PTPN11: variants seen among roughly 807,000 people sequenced by gnomAD.
PTPN11 encodes the protein protein tyrosine phosphatase non-receptor type 11, also known as tyrosine-protein phosphatase non-receptor type 11.
PTPN11 carries 6 observed loss-of-function variants against 78.8 expected under a neutral mutation model. The observed-to-expected ratio is 0.08, with a 90% CI of 0.04 to 0.15. PTPN11 has a LOEUF of 0.15. Among genes scored for constraint, PTPN11 ranks in the 10% least tolerant of loss-of-function variants. The pLI, the probability that PTPN11 is intolerant of heterozygous loss-of-function variation, is 1.00. For synonymous variants in PTPN11, 221 were observed against 263.5 expected (o/e 0.84, Z 1.56); for missense variants, 386 against 744.8 (o/e 0.52, Z 5.61).
chr12:112,458,617 C>G (rs1466733911), intron 6 of PTPN11, among the ~76,000 whole-genome samples: 1 of 152,210 alleles, frequency 6.6e-6, no homozygotes, highest in Non-Finnish European at 1.5e-5. Flanking sequence ...TGAGTTTATT[C>G]TCTCATCCCA....
intron 13 of PTPN11, among the ~76,000 whole-genome samples, chr12:112,494,875 T>C (rs2038794745): frequency 1.3e-5 from 2 of 152,156 alleles, no homozygotes; most frequent in African/African-American, 4.8e-5. Flanking sequence ...CACTTTTCAT[T>C]CAACACTTTA....
At chr12:112,502,341 G>T (rs986265794) in intron 14 of PTPN11, 85 bp downstream of exon 14, 5 of 1,114,922 alleles carry the variant, frequency 4.5e-6, no homozygotes, top group Non-Finnish European at 6.9e-6. Context: ...CAAAACACAA[G>T]TTTGTAGCAC....
At chr12:112,486,080 G>A (rs2038670187) in intron 10 of PTPN11, among the ~76,000 whole-genome samples, 1 of 151,996 alleles carries the variant, frequency 6.6e-6, no homozygotes, top group South Asian at 2.1e-4. Context: ...TGTCTTAAGT[G>A]AATGCCTGTT....
At position 112,427,294 on chromosome 12, in the gene PTPN11, C is replaced by G. The variant is rs560630230; in HGVS notation, c.14+8169C>G. Among the ~76,000 whole-genome samples the G allele has an allele frequency of 8.6e-5, 13 of 151,228 alleles. No homozygotes were observed. The South Asian group carries it at 2.7e-3, about 32-fold the overall frequency. ...GGGCGTGGTGGCTCACACCTGTAAT[C>G]CCAGCACTTTGGGAGGCCGAGGCGG... On this transcript the variant is annotated intron_variant, in intron 1 of 15. Transcript: ENST00000351677.
At chr12:112,454,818 C>CTTTT (rs753974743) in intron 5 of PTPN11, 138 bp downstream of exon 5, 76 of 474,968 alleles carry the variant, frequency 1.6e-4, no homozygotes, top group Admixed American at 3.6e-4. Flanking sequence ...ACTATCAAAT[C>CTTTT]TTTTTTTTTT....
At chr12:112,503,645 G>C (rs1157272460) in intron 14 of PTPN11, among the ~76,000 whole-genome samples, 1 of 152,156 alleles carries the variant, frequency 6.6e-6, no homozygotes, top group African/African-American at 2.4e-5. Flanking sequence ...GGAATGCCAG[G>C]GTTCTGAGTC....
chr12:112,423,058 T>C (rs1338534171), intron 1 of PTPN11, among the ~76,000 whole-genome samples: 1 of 152,202 alleles, frequency 6.6e-6, no homozygotes, highest in African/African-American at 2.4e-5. Flanking sequence ...CAACCAAGGA[T>C]TGGAGACCCT....
At chr12:112,448,637 C>A (rs528792582) in intron 2 of PTPN11, among the ~76,000 whole-genome samples, 6 of 152,194 alleles carry the variant, frequency 3.9e-5, no homozygotes, top group African/African-American at 1.2e-4. Flanking sequence ...TTACCTAAAT[C>A]TTTTAGTGAT....
At position 112,493,785 on chromosome 12, in the gene PTPN11, A is replaced by C. The variant is rs1737443898; in HGVS notation, c.1599+4610A>C. Among the ~76,000 whole-genome samples, 2 of 152,118 alleles carry C rather than the reference A, an allele frequency of 1.3e-5. 1 individual carries two copies. Among genetic ancestry groups the C allele is most frequent in the South Asian group, 4.1e-4 (2 of 4,824 alleles). Reference sequence around the variant, plus strand: ...CTTCAAGTTTGTACCCTTTGACCAAAGTCTCCTTGTTTTCCCTACCCCCAA... The same window carrying C: ...CTTCAAGTTTGTACCCTTTGACCAACGTCTCCTTGTTTTCCCTACCCCCAA... On this transcript the variant is annotated intron_variant, in intron 13 of 15. Coordinates refer to ENST00000351677, the MANE Select transcript of PTPN11 (RefSeq NM_002834.5).
intron 9 of PTPN11, 56 bp downstream of exon 9, chr12:112,478,071 A>C: frequency 1.3e-6 from 2 of 1,583,564 alleles, no homozygotes; most frequent in Non-Finnish European, 1.7e-6. Context: ...CAGACATGTC[A>C]GATTGGCCAT....
intron 15 of PTPN11, among the ~76,000 whole-genome samples, 154 bp from the exon 16 acceptor site, chr12:112,505,671 A>C (rs967547785): frequency 4.0e-5 from 6 of 151,656 alleles, no homozygotes; most frequent in African/African-American, 9.7e-5. Context: ...AAAAAAAAAA[A>C]AAAAAAAAAA....
chr12:112,478,268 A>G (rs1382120471), intron 9 of PTPN11, among the ~76,000 whole-genome samples: 1 of 151,838 alleles, frequency 6.6e-6, no homozygotes, highest in African/African-American at 2.4e-5. Context: ...GTTCAGTCTT[A>G]GTTTCTTCAG....
Position 112,477,722 on chromosome 12 carries a change from A to G in PTPN11, c.925A>G (p.Ile309Val), listed in dbSNP as rs201787206. ...TGTTTCAGATTACATCAATGCAAAT[A>G]TCATCATGGTAAGCTTTGCTTTTCA... ...EPVSDYINANIIMPEFETKCN... is the reference protein window; with the variant it reads ...EPVSDYINANVIMPEFETKCN... The change falls in exon 8 of 16, where the codon ATC becomes GTC. Residue 309 changes from isoleucine (I) to valine (V), a missense_variant. Physicochemically the swap from Ile to Val is conservative, Grantham distance 29. Coordinates refer to ENST00000351677, the MANE Select transcript of PTPN11 (RefSeq NM_002834.5). The G allele has an allele frequency of 2.1e-4, 346 of 1,611,852 alleles. 1 individual carries two copies. Among genetic ancestry groups the G allele is most frequent in the Admixed American group, 1.7e-4 (10 of 59,996 alleles).
At chr12:112,441,618 A>C (rs1192403761) in intron 1 of PTPN11, among the ~76,000 whole-genome samples, 2 of 152,126 alleles carry the variant, frequency 1.3e-5, no homozygotes, top group African/African-American at 4.8e-5. Context: ...GAAGTCTCTT[A>C]AAAGTTCACT....
At chr12:112,490,569 A>G (rs979367194) in intron 13 of PTPN11, among the ~76,000 whole-genome samples, 1 of 152,118 alleles carries the variant, frequency 6.6e-6, no homozygotes, top group Admixed American at 6.5e-5. Flanking sequence ...AGCCTCTCTG[A>G]GTAGTTAGGA....
intron 6 of PTPN11, among the ~76,000 whole-genome samples, chr12:112,470,759 T>C (rs2038402152): frequency 6.6e-6 from 1 of 152,118 alleles, no homozygotes; most frequent in South Asian, 2.1e-4. Context: ...CCAGTCCCCC[T>C]CCCCCGGTAT....
chr12:112,459,250 G>C (rs2038210447), intron 6 of PTPN11, among the ~76,000 whole-genome samples: 1 of 152,068 alleles, frequency 6.6e-6, no homozygotes, highest in Non-Finnish European at 1.5e-5. Context: ...AAATTGAATG[G>C]AAAGCCGATT....
Position 112,509,422 on chromosome 12 carries a change from C to A in PTPN11, c.*3630C>A, listed in dbSNP as rs955174875. ...TAATAATTTGCCTGTTTATTTATGACCTAATTGTGATTCTTTTATTAATAA... is the reference window on the plus strand; with the variant it reads ...TAATAATTTGCCTGTTTATTTATGAACTAATTGTGATTCTTTTATTAATAA... On this transcript the variant is annotated 3_prime_UTR_variant, in exon 16 of 16. Coordinates refer to ENST00000351677, the MANE Select transcript of PTPN11 (RefSeq NM_002834.5). 2 of 152,532 alleles carry A rather than the reference C, an allele frequency of 1.3e-5. No homozygotes were observed. The highest frequency in any genetic ancestry group is 4.8e-5 in the African/African-American group (2 of 41,410). 9.4% of individuals were successfully genotyped at this position (152,532 alleles called of 1,614,324 possible).
chr12:112,453,989 T>C (rs1301456610), intron 4 of PTPN11, among the ~76,000 whole-genome samples: 2 of 152,086 alleles, frequency 1.3e-5, no homozygotes, highest in Non-Finnish European at 2.9e-5. Flanking sequence ...AGTTCGTCTA[T>C]GCTTTTATTA....
Sources: gnomAD v4.1 joint callset for allele counts (sites outside exome capture counted in the v4.1 genomes callset) on GRCh38, gnomAD v4.1.1 for gene constraint, MANE v1.5 for transcripts, NCBI Gene and HGNC (gene_info 2026-07-23, HGNC 2026-07-21) for gene names.